COL19A1: variants seen among roughly 807,000 people sequenced by gnomAD.
The protein encoded by COL19A1 is collagen alpha-1(XIX) chain.
In COL19A1, 159 loss-of-function variants were observed where a neutral mutation model predicts 190.2. That is an observed-to-expected ratio of 0.84 (90% CI 0.73 to 0.95). The LOEUF is 0.95. COL19A1 is among the 40% of genes least tolerant of loss of function. The pLI is 0.00. For synonymous variants in COL19A1, 509 were observed against 458.9 expected (o/e 1.11, Z -1.39); for missense variants, 1,418 against 1,431.9 (o/e 0.99, Z 0.16).
intron 23 of COL19A1, 132 bp from the exon 24 acceptor site, chr6:70,144,078 T>C (rs1158109268): frequency 1.4e-5 from 10 of 730,446 alleles, no homozygotes; most frequent in Non-Finnish European, 2.1e-5. Context: ...AAGGCCAAAA[T>C]CAATCCAACT....
intron 7 of COL19A1, among the ~76,000 whole-genome samples, chr6:69,934,581 T>A (rs1772983252): frequency 6.6e-6 from 1 of 151,928 alleles, no homozygotes; most frequent in South Asian, 2.1e-4. Context: ...GTGGAATGGT[T>A]GGTAATTCAA....
intron 11 of COL19A1, among the ~76,000 whole-genome samples, chr6:70,016,724 A>G (rs918792929): frequency 6.6e-6 from 1 of 151,944 alleles, no homozygotes; most frequent in Non-Finnish European, 1.5e-5. Context: ...AAAGATTTAA[A>G]TAGATGATTC....
chr6:69,898,619 T>C (rs1437440409), intron 2 of COL19A1, among the ~76,000 whole-genome samples: 1 of 152,224 alleles, frequency 6.6e-6, no homozygotes, highest in Non-Finnish European at 1.5e-5. Context: ...TTTACTATTG[T>C]ACTTTGAATA....
chr6:69,933,665 T>A (rs548296023), intron 7 of COL19A1, among the ~76,000 whole-genome samples: 3 of 152,202 alleles, frequency 2.0e-5, no homozygotes, highest in African/African-American at 7.2e-5. Flanking sequence ...CTAAATTCAA[T>A]ACTTTCTGTA....
intron 11 of COL19A1, among the ~76,000 whole-genome samples, chr6:69,993,108 C>A (rs1776716511): frequency 6.6e-6 from 1 of 151,864 alleles, no homozygotes; most frequent in Non-Finnish European, 1.5e-5. Context: ...ATAGATGACT[C>A]TTATTATTTT....
intron 15 of COL19A1, chr6:70,098,492 A>T (rs1227072486): frequency 1.2e-5 from 6 of 498,746 alleles, no homozygotes; most frequent in South Asian, 8.8e-5. Flanking sequence ...CAGGTGCCTC[A>T]TTCGACCAGT....
In COL19A1 at chr6:69,976,559, C is replaced by T. The variant is rs117951904; in HGVS notation, c.1026+13689C>T. 3.4e-4 allele frequency among the ~76,000 whole-genome samples: 51 copies of T among 152,084 alleles called. No individual in the cohort carries two copies. The East Asian group carries it at 5.0e-3, about 15-fold the overall frequency. On this transcript the variant is annotated intron_variant, in intron 11 of 50. Transcript: ENST00000620364. ...GGAAGGAAGAGGAGTGAGTACATAA[C>T]GCTCCCTAGGAGAAGGAGGGGAGTT...
intron 17 of COL19A1, among the ~76,000 whole-genome samples, chr6:70,123,125 A>G (rs1192311318): frequency 6.6e-6 from 1 of 152,136 alleles, no homozygotes; most frequent in Admixed American, 6.5e-5. Context: ...AAAACAAACA[A>G]CCCCATCAAA....
At chr6:70,115,825 G>GTTT (rs57814985) in intron 16 of COL19A1, among the ~76,000 whole-genome samples, 2,862 of 117,038 alleles carry the variant, frequency 0.024, 146 homozygotes, top group East Asian at 0.14. Flanking sequence ...TTGGTGTTTT[G>GTTT]TTTTTTTTTT....
At chr6:69,958,196 T>C (rs1452540162) in intron 9 of COL19A1, among the ~76,000 whole-genome samples, 2 of 152,150 alleles carry the variant, frequency 1.3e-5, no homozygotes, top group Admixed American at 6.6e-5. Context: ...ATGAGTGGGC[T>C]GTGAGCAAAG....
At chr6:70,077,735 C>T (rs971187317) in intron 15 of COL19A1, among the ~76,000 whole-genome samples, 22 of 152,106 alleles carry the variant, frequency 1.4e-4, no homozygotes, top group Non-Finnish European at 2.4e-4. Context: ...GTCTATGCAA[C>T]CGTGAGAAAG....
chr6:69,878,034 G>A (rs1768250127), intron 1 of COL19A1, among the ~76,000 whole-genome samples: 1 of 151,086 alleles, frequency 6.6e-6, no homozygotes, highest in African/African-American at 2.4e-5. Context: ...TAAATAAAAG[G>A]GCAAAGGGCA....
At chr6:70,080,667 T>C (rs1455234645) in intron 15 of COL19A1, among the ~76,000 whole-genome samples, 1 of 152,236 alleles carries the variant, frequency 6.6e-6, no homozygotes, top group African/African-American at 2.4e-5. Context: ...TTTATTGCTT[T>C]TGGCAACTTT....
chr6:69,916,137 C>T (rs908989124), intron 4 of COL19A1, among the ~76,000 whole-genome samples: 9 of 152,102 alleles, frequency 5.9e-5, no homozygotes, highest in Non-Finnish European at 1.0e-4. Flanking sequence ...GGGGTTTCAC[C>T]GTGTTAGCCA....
intron 36 of COL19A1, 37 bp downstream of exon 36, chr6:70,163,433 G>A (rs1038485552): frequency 6.3e-7 from 1 of 1,591,548 alleles, no homozygotes; most frequent in South Asian, 1.1e-5. Context: ...TCCAAACTGG[G>A]GCTTGGAGTG....
intron 31 of COL19A1, among the ~76,000 whole-genome samples, chr6:70,155,852 T>G (rs759043491): frequency 5.9e-5 from 9 of 152,168 alleles, no homozygotes; most frequent in Non-Finnish European, 8.8e-5. Flanking sequence ...TCCTTATTTA[T>G]TTGGAATTTT....
At chr6:69,947,981 C>T (rs1345774791) in intron 9 of COL19A1, among the ~76,000 whole-genome samples, 3 of 151,806 alleles carry the variant, frequency 2.0e-5, no homozygotes, top group Admixed American at 1.3e-4. Flanking sequence ...GACGATTCTT[C>T]ATCATAAATA....
intron 4 of COL19A1, among the ~76,000 whole-genome samples, chr6:69,913,988 G>A (rs1328021391): frequency 1.3e-5 from 2 of 151,988 alleles, no homozygotes; most frequent in Non-Finnish European, 2.9e-5. Context: ...CTGGCTGAGG[G>A]ACACCAGAAA....
chr6:70,145,203 C>A (rs1285155174), intron 25 of COL19A1, among the ~76,000 whole-genome samples, 196 bp downstream of exon 25: 1 of 152,030 alleles, frequency 6.6e-6, no homozygotes, highest in African/African-American at 2.4e-5. Context: ...ATAAATAGTT[C>A]TACAAAAAAG....
Sources: gnomAD v4.1 joint callset for allele counts (sites outside exome capture counted in the v4.1 genomes callset) on GRCh38, gnomAD v4.1.1 for gene constraint, MANE v1.5 for transcripts, NCBI Gene and HGNC (gene_info 2026-07-23, HGNC 2026-07-21) for gene names.